The following CACNA2D3 variants were observed in gnomAD, a reference collection of about 807,000 sequenced individuals.
CACNA2D3 encodes the protein calcium voltage-gated channel auxiliary subunit alpha2delta 3.
A neutral mutation model predicts 160.6 loss-of-function variants in CACNA2D3; 60 were observed. That is an observed-to-expected ratio of 0.37 (90% CI 0.30 to 0.46). The LOEUF (loss-of-function observed/expected upper bound fraction) is 0.46. Among genes scored for constraint, CACNA2D3 ranks in the 20% least tolerant of loss-of-function variants. CACNA2D3 has a pLI of 1.00. For missense variants in CACNA2D3, 1,205 were observed against 1,365.0 expected (o/e 0.88, Z 1.85); for synonymous variants, 558 against 492.9 (o/e 1.13, Z -1.75).
At chr3:54,132,534 T>C (rs368486999) in intron 2 of CACNA2D3, among the ~76,000 whole-genome samples, 1 of 152,204 alleles carries the variant, frequency 6.6e-6, no homozygotes, top group African/African-American at 2.4e-5. Context: ...ACTAATCTTT[T>C]GAAAAAGTCA....
intron 17 of CACNA2D3, among the ~76,000 whole-genome samples, chr3:54,865,800 G>GC (rs1483853921): frequency 6.6e-6 from 1 of 152,172 alleles, no homozygotes; most frequent in African/African-American, 2.4e-5. Context: ...GTGTTTTCAG[G>GC]CCATATTTAT....
At chr3:54,502,891 C>A (rs1009012118) in intron 4 of CACNA2D3, among the ~76,000 whole-genome samples, 1 of 152,126 alleles carries the variant, frequency 6.6e-6, no homozygotes, top group Non-Finnish European at 1.5e-5. Flanking sequence ...TAAATCATGC[C>A]AGCACACTCC....
chr3:54,309,031 C>T (rs542135694), intron 2 of CACNA2D3, among the ~76,000 whole-genome samples: 2 of 152,356 alleles, frequency 1.3e-5, no homozygotes. Flanking sequence ...GATATTTCTT[C>T]TCTAGCACAC....
intron 16 of CACNA2D3, among the ~76,000 whole-genome samples, chr3:54,845,332 G>T (rs1698910274): frequency 6.6e-6 from 1 of 152,098 alleles, no homozygotes; most frequent in Non-Finnish European, 1.5e-5. Context: ...CTGTTGTCTG[G>T]ATCATTTAAT....
intron 3 of CACNA2D3, among the ~76,000 whole-genome samples, chr3:54,349,806 A>T (rs1698521963): frequency 6.6e-6 from 1 of 152,166 alleles, no homozygotes. Context: ...CTCAGTGTTT[A>T]ACCTCAGTCC....
chr3:54,987,528 A>G (rs779853898), intron 30 of CACNA2D3, 155 bp from the exon 31 acceptor site: 2 of 533,206 alleles, frequency 3.8e-6, no homozygotes, highest in Non-Finnish European at 6.7e-6. Flanking sequence ...TAATCCCATG[A>G]GTTCTCATGA....
chr3:54,987,784 C>A (rs746958002), intron 31 of CACNA2D3, 31 bp downstream of exon 31: 1 of 1,513,294 alleles, frequency 6.6e-7, no homozygotes, highest in Admixed American at 2.1e-5. Context: ...TGCATTCCCC[C>A]CAAAAGTTTT....
At chr3:54,468,446 G>T (rs1283855319) in intron 4 of CACNA2D3, among the ~76,000 whole-genome samples, 1 of 152,222 alleles carries the variant, frequency 6.6e-6, no homozygotes, top group African/African-American at 2.4e-5. Flanking sequence ...CAGACCAGGA[G>T]ATTCCCTCGG....
At chr3:54,866,473 T>G (rs1298915514) in intron 17 of CACNA2D3, among the ~76,000 whole-genome samples, 1 of 152,274 alleles carries the variant, frequency 6.6e-6, no homozygotes, top group East Asian at 1.9e-4. Context: ...TCACACCCCA[T>G]GTCCAGATGG....
At chr3:54,635,878 A>G (rs1246903633) in intron 10 of CACNA2D3, among the ~76,000 whole-genome samples, 1 of 152,052 alleles carries the variant, frequency 6.6e-6, no homozygotes, top group African/African-American at 2.4e-5. Flanking sequence ...GACAGAACGG[A>G]AGAAATGACT....
chr3:54,215,874 C>A (rs1391909235), intron 2 of CACNA2D3, among the ~76,000 whole-genome samples: 3 of 130,812 alleles, frequency 2.3e-5, no homozygotes, highest in Non-Finnish European at 5.4e-5. Context: ...TTACTGTTTT[C>A]TTTTCTTTTC....
At chr3:55,050,445 GGCTTGTAGAGTT>G (rs1704174476) in intron 35 of CACNA2D3, among the ~76,000 whole-genome samples, 1 of 151,262 alleles carries the variant, frequency 6.6e-6, no homozygotes, top group African/African-American at 2.4e-5. Flanking sequence ...ACTCTCTTCT[GGCTTGTAGAGTT>G]TCTGCCGAGA....
chr3:54,844,729 A>G (rs899075427), intron 16 of CACNA2D3, among the ~76,000 whole-genome samples: 2 of 152,304 alleles, frequency 1.3e-5, no homozygotes, highest in East Asian at 1.9e-4. Flanking sequence ...TATAATTTTG[A>G]TAAGTACTAT....
intron 27 of CACNA2D3, among the ~76,000 whole-genome samples, chr3:54,962,221 G>A (rs1559646498): frequency 1.3e-5 from 2 of 152,120 alleles, no homozygotes; most frequent in African/African-American, 4.8e-5. Context: ...CATAGCACAG[G>A]TTTTGAATGG....
At chr3:54,415,923 A>G (rs1037756786) in intron 4 of CACNA2D3, among the ~76,000 whole-genome samples, 1 of 152,202 alleles carries the variant, frequency 6.6e-6, no homozygotes, top group African/African-American at 2.4e-5. Flanking sequence ...ATTGAAGATG[A>G]AACTTAGGGA....
At chr3:54,970,441 TCCC>T (rs1237373717) in intron 29 of CACNA2D3, among the ~76,000 whole-genome samples, 1 of 94,058 alleles carries the variant, frequency 1.1e-5, no homozygotes, top group South Asian at 4.8e-4. Context: ...TCTCCTCCCC[TCCC>T]CTCCCCTCCT....
intron 4 of CACNA2D3, among the ~76,000 whole-genome samples, chr3:54,473,999 A>G (rs1211495037): frequency 6.6e-6 from 1 of 152,236 alleles, no homozygotes; most frequent in African/African-American, 2.4e-5. Context: ...GTTATTCCTC[A>G]GGGATCTAGA....
intron 2 of CACNA2D3, among the ~76,000 whole-genome samples, chr3:54,304,064 T>G (rs1703542041): frequency 6.6e-6 from 1 of 152,190 alleles, no homozygotes; most frequent in South Asian, 2.1e-4. Context: ...TTTGGTCAGA[T>G]AATCCTTTGT....
At position 54,832,904 on chromosome 3, in the gene CACNA2D3, T is replaced by C. The variant is rs1703910548; in HGVS notation, c.1399-4255T>C. Among the ~76,000 whole-genome samples, 3 of 152,278 alleles carry C rather than the reference T, an allele frequency of 2.0e-5. No individual in the cohort carries two copies. In the South Asian group the frequency reaches 6.2e-4, roughly 32 times the overall value. On this transcript the variant is annotated intron_variant, in intron 14 of 37. Transcript: ENST00000474759. ...GTGACTAGGCCAGCAGCAAAATGGA[T>C]GGGTCACAAGTCCTGTGTTGTTATA...
Sources: allele counts gnomAD v4.1 joint callset (sites outside exome capture counted in the v4.1 genomes callset), GRCh38; gene constraint gnomAD v4.1.1; transcripts MANE v1.5; gene names NCBI Gene and HGNC (gene_info 2026-07-23, HGNC 2026-07-21).